LIN9: variants seen among roughly 807,000 people sequenced by gnomAD.
LIN9 encodes the protein lin-9 DREAM MuvB core complex component.
Under a neutral mutation model 78.0 loss-of-function variants are expected in LIN9, and 18 were observed. The ratio of observed to expected loss-of-function variants is 0.23; its 90% CI spans 0.16 to 0.34. The LOEUF is 0.34. Among genes scored for constraint, LIN9 ranks in the 10% least tolerant of loss-of-function variants. The pLI, the probability that LIN9 is intolerant of heterozygous loss-of-function variation, is 1.00. For synonymous variants in LIN9, 192 were observed against 215.2 expected (o/e 0.89, Z 0.94); for missense variants, 451 against 644.1 (o/e 0.70, Z 3.25).
rs76586070 is a variant in LIN9, at chr1:226,260,299, T to C, written c.1038+5234A>G. Among the ~76,000 whole-genome samples, 572 of 152,342 alleles carry C rather than the reference T, an allele frequency of 3.8e-3. 1 individual carries two copies. Among genetic ancestry groups the C allele is most frequent in the Non-Finnish European group, 5.4e-3 (369 of 68,030 alleles). On this transcript the variant is annotated intron_variant, in intron 10 of 14. Transcript: ENST00000681046. ...CCAACCTCTGTTATGTTTTAGAGGA[T>C]AGAAGCAGAGGAAATACTTCCTAAC... is the stretch of plus-strand genomic sequence containing the variant.
intron 6 of LIN9, among the ~76,000 whole-genome samples, chr1:226,281,446 T>C (rs1048805404): frequency 1.3e-5 from 2 of 152,150 alleles, no homozygotes; most frequent in Non-Finnish European, 2.9e-5. Context: ...TTGTTTTTAC[T>C]TTGTTTTTTA....
In LIN9 at chr1:226,233,374, G is replaced by A. The variant is rs1558148960; in HGVS notation, c.1395C>T (p.Ser465=). Reference sequence around the variant, plus strand: ...TTTGTAACAAAATAGCTGTAAGCCTGGAAATTAAGTCTGTCAGATTTTCAT... The same window carrying A: ...TTTGTAACAAAATAGCTGTAAGCCTAGAAATTAAGTCTGTCAGATTTTCAT... The part of the protein sequence containing the change: ...VENENLTDLI[S]RLTAILLQIK... The change falls in exon 13 of 15, where the codon TCC becomes TCT. Residue 465 remains serine, a synonymous_variant. Coordinates refer to ENST00000681046, the MANE Select transcript of LIN9 (RefSeq NM_001366245.2). 6.2e-7 allele frequency: 1 copy of A among 1,612,460 alleles called. No homozygotes were observed. The highest frequency in any genetic ancestry group is 8.5e-7 in the Non-Finnish European group (1 of 1,179,382).
intron 10 of LIN9, among the ~76,000 whole-genome samples, chr1:226,257,850 G>C (rs1484309926): frequency 2.6e-5 from 4 of 152,122 alleles, no homozygotes; most frequent in African/African-American, 9.7e-5. Context: ...CAACCACTTT[G>C]AAATCTACTT....
chr1:226,260,628 G>GTTTTTTTTTTTTTTTTTTTTTTTTT (rs559460640), intron 10 of LIN9, among the ~76,000 whole-genome samples: 2 of 73,438 alleles, frequency 2.7e-5, no homozygotes, highest in African/African-American at 1.0e-4. Flanking sequence ...GGCCAAATGA[G>GTTTTTTTTTTTTTTTTTTTTTTTTT]TTTTTTTTTT....
At chr1:226,240,686 G>C (rs1658057509) in intron 11 of LIN9, among the ~76,000 whole-genome samples, 1 of 151,848 alleles carries the variant, frequency 6.6e-6, no homozygotes, top group African/African-American at 2.4e-5. Flanking sequence ...ACCGCGCCTG[G>C]CCTGTTTTGT....
chr1:226,236,191 GCATA>G (rs1356019866), intron 12 of LIN9, among the ~76,000 whole-genome samples: 2 of 151,720 alleles, frequency 1.3e-5, no homozygotes, highest in African/African-American at 2.4e-5. Context: ...TTAAATTGAA[GCATA>G]CATAAATACA....
intron 11 of LIN9, among the ~76,000 whole-genome samples, chr1:226,243,528 C>G (rs1658248608): frequency 1.3e-5 from 2 of 151,952 alleles, no homozygotes; most frequent in Non-Finnish European, 2.9e-5. Context: ...AACCCCATCT[C>G]TACTAAAAAT....
chr1:226,256,464 C>T (rs1476931341), intron 10 of LIN9, among the ~76,000 whole-genome samples: 1 of 151,826 alleles, frequency 6.6e-6, no homozygotes, highest in Non-Finnish European at 1.5e-5. Context: ...CTTTGGAAGG[C>T]CAAGAGGGAG....
intron 7 of LIN9, among the ~76,000 whole-genome samples, chr1:226,271,440 C>T (rs1426582136): frequency 1.3e-5 from 2 of 152,094 alleles, no homozygotes. Flanking sequence ...CTATTGTGGT[C>T]AGAGAAATTC....
In LIN9 at chr1:226,248,542, A is replaced by C. The variant is rs1009295677; in HGVS notation, c.1119+2297T>G. 2.0e-5 allele frequency among the ~76,000 whole-genome samples: 3 copies of C among 152,228 alleles called. No individual in the cohort carries two copies. The East Asian group carries it at 5.8e-4, about 29-fold the overall frequency. On this transcript the variant is annotated intron_variant, in intron 11 of 14. Coordinates refer to ENST00000681046, the MANE Select transcript of LIN9 (RefSeq NM_001366245.2). ...TCTAAAATTTATCCTACAGATAGACACAAACAAATGCACAAAAATATTAGC... is the reference window on the plus strand; with the variant it reads ...TCTAAAATTTATCCTACAGATAGACCCAAACAAATGCACAAAAATATTAGC...
chr1:226,270,015 C>T (rs1482681713), intron 7 of LIN9, among the ~76,000 whole-genome samples: 1 of 152,082 alleles, frequency 6.6e-6, no homozygotes, highest in Non-Finnish European at 1.5e-5. Flanking sequence ...CTCCACCTCC[C>T]GGGTTCAAGT....
chr1:226,287,320 A>G (rs905452557), intron 5 of LIN9, among the ~76,000 whole-genome samples: 2 of 152,202 alleles, frequency 1.3e-5, no homozygotes, highest in African/African-American at 4.8e-5. Flanking sequence ...TGGTTTCTCT[A>G]TGATTATACC....
intron 4 of LIN9, among the ~76,000 whole-genome samples, chr1:226,288,579 T>C (rs574114403): frequency 6.6e-6 from 1 of 152,272 alleles, no homozygotes; most frequent in African/African-American, 2.4e-5. Context: ...AAATACAAAG[T>C]TGATATACAA....
At chr1:226,267,251 A>G (rs1576314056) in intron 8 of LIN9, among the ~76,000 whole-genome samples, 1 of 138,646 alleles carries the variant, frequency 7.2e-6, no homozygotes, top group African/African-American at 2.6e-5. Flanking sequence ...ATATATATAT[A>G]TATTTCTTTT....
rs1180664938 is a variant in LIN9 at position 226,231,166 on chromosome 1, T to C, written c.*1335A>G. On this transcript the variant is annotated 3_prime_UTR_variant, in exon 15 of 15. Transcript: ENST00000681046. ...AAAATATAGAAAATAATAATTTTCA[T>C]AGATCAATTTATTTAGAATTACAAA... The C allele has an allele frequency of 6.6e-6, 1 of 152,546 alleles. No individual in the cohort carries two copies. The highest frequency in any genetic ancestry group is 1.5e-5 in the Non-Finnish European group (1 of 68,024). The allele number at this position is 152,546 out of a possible 1,614,324, so 9.4% of individuals were successfully genotyped here.
intron 12 of LIN9, among the ~76,000 whole-genome samples, chr1:226,235,433 G>C (rs1422473052): frequency 2.6e-5 from 4 of 151,092 alleles, no homozygotes; most frequent in African/African-American, 9.7e-5. Flanking sequence ...CAGACTAAAG[G>C]TATACAGTCA....
intron 10 of LIN9, among the ~76,000 whole-genome samples, chr1:226,257,589 A>C (rs187827281): frequency 7.9e-5 from 12 of 152,322 alleles, no homozygotes; most frequent in Non-Finnish European, 1.6e-4. Context: ...GTGTTATTTG[A>C]AAGTGGATAT....
chr1:226,309,349 C>G (rs1275930316), upstream of LIN9: 1 of 991,034 alleles, frequency 1.0e-6, no homozygotes, highest in Non-Finnish European at 1.2e-6. Context: ...CGCCTCGCCC[C>G]TCCGCCGCCG....
intron 1 of LIN9, among the ~76,000 whole-genome samples, chr1:226,307,786 T>C (rs1663012206): frequency 1.3e-5 from 2 of 152,308 alleles, no homozygotes; most frequent in South Asian, 4.1e-4. Context: ...AAATTCAAAA[T>C]TCAGTTCCTC....
Sources: allele counts gnomAD v4.1 joint callset (sites outside exome capture counted in the v4.1 genomes callset), GRCh38; gene constraint gnomAD v4.1.1; transcripts MANE v1.5; gene names NCBI Gene and HGNC (gene_info 2026-07-23, HGNC 2026-07-21).